HEG1: variants seen among roughly 807,000 people sequenced by gnomAD.
HEG1 encodes protein HEG homolog 1.
In HEG1, 56 loss-of-function variants were observed where a neutral mutation model predicts 125.6. That is an observed-to-expected ratio of 0.45 (90% CI 0.36 to 0.56). HEG1 has a LOEUF of 0.56. HEG1 is among the 20% of genes least tolerant of loss of function. The pLI is 0.00. For synonymous variants in HEG1, 644 were observed against 668.5 expected (o/e 0.96, Z 0.57); for missense variants, 1,523 against 1,670.0 (o/e 0.91, Z 1.53).
chr3:125,024,424 T>C (rs1428333387), intron 3 of HEG1, among the ~76,000 whole-genome samples: 1 of 152,224 alleles, frequency 6.6e-6, no homozygotes, highest in Non-Finnish European at 1.5e-5. Context: ...AACATACACA[T>C]ATCTCTTTCC....
intron 3 of HEG1, among the ~76,000 whole-genome samples, chr3:125,021,812 C>G (rs1937339278): frequency 6.6e-6 from 1 of 152,184 alleles, no homozygotes; most frequent in Non-Finnish European, 1.5e-5. Context: ...CTTATTATTA[C>G]CCCACAAATT....
At chr3:125,029,098 A>G in intron 2 of HEG1, 97 bp downstream of exon 2, 1 of 1,355,032 alleles carries the variant, frequency 7.4e-7, no homozygotes. Context: ...TTGGAAGGGC[A>G]CAATGGCTCA....
At chr3:125,014,822 G>T (rs1441929605) in intron 5 of HEG1, 1 of 1,289,754 alleles carries the variant, frequency 7.8e-7, no homozygotes, top group African/African-American at 1.5e-5. Flanking sequence ...CCGCTGCAGG[G>T]CTGCCTGCTT....
chr3:124,982,788 A>C (rs1936675917), intron 14 of HEG1, among the ~76,000 whole-genome samples: 1 of 152,142 alleles, frequency 6.6e-6, no homozygotes, highest in Non-Finnish European at 1.5e-5. Flanking sequence ...CGGACATGTA[A>C]CACCATCCCC....
intron 16 of HEG1, among the ~76,000 whole-genome samples, chr3:124,972,338 AG>A (rs1936462450): frequency 6.6e-6 from 1 of 152,248 alleles, no homozygotes; most frequent in South Asian, 2.1e-4. Flanking sequence ...GTAAAGGAAA[AG>A]GACTTTCCTG....
At chr3:125,030,108 A>G (rs1015343787) in intron 1 of HEG1, among the ~76,000 whole-genome samples, 1 of 152,178 alleles carries the variant, frequency 6.6e-6, no homozygotes, top group Non-Finnish European at 1.5e-5. Flanking sequence ...GGATTAGAGG[A>G]GGAAGATTGG....
intron 1 of HEG1, among the ~76,000 whole-genome samples, chr3:125,048,246 T>G (rs1240473667): frequency 1.3e-5 from 2 of 152,266 alleles, no homozygotes; most frequent in Non-Finnish European, 2.9e-5. Context: ...CCTCTAGACT[T>G]TGCAGATGGT....
intron 1 of HEG1, among the ~76,000 whole-genome samples, chr3:125,054,184 C>T (rs183847495): frequency 6.6e-5 from 10 of 152,322 alleles, no homozygotes; most frequent in African/African-American, 2.4e-4. Context: ...TTCTTGATTC[C>T]TTCCCGTGGA....
chr3:125,045,871 A>G (rs1937655056), intron 1 of HEG1, among the ~76,000 whole-genome samples: 1 of 152,178 alleles, frequency 6.6e-6, no homozygotes, highest in Admixed American at 6.5e-5. Flanking sequence ...TTTTACATAT[A>G]CGGAAGCAGG....
At position 125,012,794 on chromosome 3, in the gene HEG1, T is replaced by C. The variant is rs994750405; in HGVS notation, c.2785A>G (p.Thr929Ala). ...SVPTSAKEMT[T>A]KLGVTAEYSP... ...TACTCTGCTGTAACGCCAAGCTTTGTGGTCATTTCTTTTGCTGATGTGGGT... is the reference window on the plus strand; with the variant it reads ...TACTCTGCTGTAACGCCAAGCTTTGCGGTCATTTCTTTTGCTGATGTGGGT... The change falls in exon 6 of 17, where the codon ACA becomes GCA. Residue 929 changes from threonine (T) to alanine (A), a missense_variant. Transcript: ENST00000311127. The C allele has an allele frequency of 6.2e-6, 10 of 1,613,946 alleles. No homozygotes were observed. Among genetic ancestry groups the C allele is most frequent in the African/African-American group, 4.0e-5 (3 of 74,948 alleles).
At chr3:124,971,748 C>G (rs1025696441) in intron 16 of HEG1, among the ~76,000 whole-genome samples, 1 of 150,952 alleles carries the variant, frequency 6.6e-6, no homozygotes, top group Non-Finnish European at 1.5e-5. Flanking sequence ...CCTTGGCCTC[C>G]CAAAGTGCTG....
At chr3:125,016,244 G>A (rs1016703246) in intron 5 of HEG1, among the ~76,000 whole-genome samples, 14 of 152,156 alleles carry the variant, frequency 9.2e-5, no homozygotes, top group African/African-American at 3.1e-4. Flanking sequence ...AAAAGGGAGC[G>A]GGCCAAGAAC....
chr3:124,977,838 A>C (rs1448365550), intron 15 of HEG1, 21 bp downstream of exon 15: 1 of 1,513,796 alleles, frequency 6.6e-7, no homozygotes, highest in South Asian at 1.2e-5. Flanking sequence ...CGGGATTGGA[A>C]CCTGAACTCT....
intron 1 of HEG1, among the ~76,000 whole-genome samples, chr3:125,052,276 G>A (rs1004692816): frequency 4.6e-5 from 7 of 152,128 alleles, no homozygotes; most frequent in African/African-American, 1.7e-4. Context: ...TCCCTGAGGG[G>A]CTGTCTCTTG....
intron 11 of HEG1, among the ~76,000 whole-genome samples, 193 bp downstream of exon 11, chr3:125,001,659 G>A (rs1937000964): frequency 6.6e-6 from 1 of 152,200 alleles, no homozygotes; most frequent in South Asian, 2.1e-4. Flanking sequence ...CTGGGTGTGT[G>A]TGTGCATGTT....
chr3:125,039,775 A>G (rs1359963703), intron 1 of HEG1, among the ~76,000 whole-genome samples: 2 of 150,330 alleles, frequency 1.3e-5, no homozygotes, highest in Admixed American at 6.7e-5. Context: ...CCTAGGGCTC[A>G]TTCCATCACA....
Position 124,966,649 on chromosome 3 carries a change from A to G in HEG1, c.*4003T>C, listed in dbSNP as rs1936319113. The G allele has an allele frequency of 6.6e-6, 1 of 152,224 alleles. No individual in the cohort carries two copies. Among genetic ancestry groups the G allele is most frequent in the Admixed American group, 6.5e-5 (1 of 15,286 alleles). The allele number at this position is 152,224 out of a possible 1,614,324, so 9.4% of individuals were successfully genotyped here. On this transcript the variant is annotated 3_prime_UTR_variant, in exon 17 of 17. Transcript: ENST00000311127. ...AAAATACAAAGTATTGAAATACTGA[A>G]CTTTGCATTCTTCCTCTTTCCAAAG...
At chr3:125,006,579 T>A (rs1937074051) in intron 8 of HEG1, among the ~76,000 whole-genome samples, 2 of 152,328 alleles carry the variant, frequency 1.3e-5, no homozygotes, top group South Asian at 4.1e-4. Flanking sequence ...GCTTAATCCT[T>A]ACTTAACATC....
intron 3 of HEG1, among the ~76,000 whole-genome samples, chr3:125,026,198 T>C (rs16836374): frequency 6.6e-6 from 1 of 152,178 alleles, no homozygotes; most frequent in Non-Finnish European, 1.5e-5. Flanking sequence ...TTTCCAATAC[T>C]CTCTTTGGCC....
Sources: gnomAD v4.1 joint callset for allele counts (sites outside exome capture counted in the v4.1 genomes callset) on GRCh38, gnomAD v4.1.1 for gene constraint, MANE v1.5 for transcripts, NCBI Gene and HGNC (gene_info 2026-07-23, HGNC 2026-07-21) for gene names.